The following NDE1 variants were observed in gnomAD, a reference collection of about 807,000 sequenced individuals.
NDE1 encodes the protein nudE neurodevelopment protein 1, also known as nuclear distribution protein nudE homolog 1.
In NDE1, 28 loss-of-function variants were observed where a neutral mutation model predicts 43.4. The observed-to-expected ratio is 0.65, with a 90% CI of 0.48 to 0.89. The LOEUF (loss-of-function observed/expected upper bound fraction) is 0.89. NDE1 is among the 40% of genes least tolerant of loss of function. The probability of loss-of-function intolerance (pLI) is 0.00; values close to 1 mark genes in which losing one functional copy is unlikely to be tolerated. For synonymous variants in NDE1, 184 were observed against 172.0 expected (o/e 1.07, Z -0.55); for missense variants, 441 against 434.1 (o/e 1.02, Z -0.14).
chr16:15,664,791 G>A lies in NDE1; in HGVS notation c.13G>A (p.Gly5Arg), dbSNP rs536800933. Residue 5 changes from glycine to arginine, a missense_variant, in exon 2 of 9, where the codon GGA becomes AGA. By Grantham distance (125) the Gly-to-Arg change is moderately radical. Coordinates refer to ENST00000396354, the MANE Select transcript of NDE1 (RefSeq NM_017668.3). ...CCCTGTTTTCACAATGGAGGACTCCGGAAAGACTTTCAGCTCCGAGGAGGA... is the reference window on the plus strand; with the variant it reads ...CCCTGTTTTCACAATGGAGGACTCCAGAAAGACTTTCAGCTCCGAGGAGGA... MEDS[G>R]KTFSSEEEEA... The A allele has an allele frequency of 1.7e-5, 28 of 1,612,916 alleles. No homozygotes were observed. Among genetic ancestry groups the A allele is most frequent in the Middle Eastern group, 1.7e-4 (1 of 6,060 alleles).
intron 8 of NDE1, among the ~76,000 whole-genome samples, chr16:15,710,289 G>A (rs939241363): frequency 4.6e-5 from 7 of 152,112 alleles, no homozygotes; most frequent in Admixed American, 1.3e-4. Context: ...TTGGGAGACC[G>A]AGGCAGGTGG....
chr16:15,696,393 A>C (rs2039014666), intron 7 of NDE1, among the ~76,000 whole-genome samples: 1 of 151,514 alleles, frequency 6.6e-6, no homozygotes, highest in South Asian at 2.1e-4. Context: ...AAACAAAAAA[A>C]AAAACTGAGA....
chr16:15,676,425 A>C (rs2037883523), intron 3 of NDE1, among the ~76,000 whole-genome samples: 2 of 151,850 alleles, frequency 1.3e-5, no homozygotes, highest in Non-Finnish European at 2.9e-5. Context: ...TTTTCGAGGC[A>C]GGTCTCAAAC....
chr16:15,712,882 G>GTTTTTTTTTTTTTTTGTTTTT (rs59799809), intron 8 of NDE1: 1 of 90,636 alleles, frequency 1.1e-5, no homozygotes, highest in African/African-American at 4.5e-5. Context: ...TTCACATACA[G>GTTTTTTTTTTTTTTTGTTTTT]TTTTTTTTTT....
chr16:15,724,398 C>T lies in NDE1; in HGVS notation c.*147C>T, dbSNP rs367595632. 7 of 1,613,784 alleles carry T rather than the reference C, an allele frequency of 4.3e-6. No homozygotes were observed. Among genetic ancestry groups the T allele is most frequent in the African/African-American group, 4.0e-5 (3 of 74,880 alleles). On this transcript the variant is annotated 3_prime_UTR_variant, in exon 9 of 9. Transcript: ENST00000396354. ...TGGCAAAGTCCTGCAGCTTCTTCTT[C>T]GAGTCGGAGAGCTACAAGGACAGCG...
Position 15,677,955 on chromosome 16 carries a change from G to C in NDE1, c.386+6G>C, listed in dbSNP as rs1215882759. 1 of 1,614,018 alleles carries C rather than the reference G, an allele frequency of 6.2e-7. No homozygotes were observed. The highest frequency in any genetic ancestry group is 2.2e-5 in the East Asian group (1 of 44,876). On this transcript the variant is annotated splice_donor_region_variant and intron_variant, in intron 4 of 8. Coordinates refer to ENST00000396354, the MANE Select transcript of NDE1 (RefSeq NM_017668.3). ...GACCTGGAAAGAGCCAAGCGGTATGGGTGGAAGGGAAAAGCACGAGTGGGA... is the reference window on the plus strand; with the variant it reads ...GACCTGGAAAGAGCCAAGCGGTATGCGTGGAAGGGAAAAGCACGAGTGGGA...
At chr16:15,674,913 C>T (rs988776610) in intron 3 of NDE1, among the ~76,000 whole-genome samples, 3 of 152,034 alleles carry the variant, frequency 2.0e-5, no homozygotes, top group Admixed American at 6.6e-5. Flanking sequence ...CTCTGTGGGC[C>T]ACGCTGGTGA....
chr16:15,646,562 C>T (rs1044204168), upstream of NDE1, among the ~76,000 whole-genome samples: 1 of 150,888 alleles, frequency 6.6e-6, no homozygotes, highest in African/African-American at 2.4e-5. Context: ...GCCTGGGCAA[C>T]AGAACGAGAC....
intron 5 of NDE1, among the ~76,000 whole-genome samples, chr16:15,688,121 A>G (rs1405962007): frequency 1.3e-5 from 2 of 152,206 alleles, no homozygotes; most frequent in Admixed American, 1.3e-4. Flanking sequence ...GTATGCAGTG[A>G]GCTATGATGG....
At position 15,723,799 on chromosome 16, in the gene NDE1, T is replaced by C. The variant is rs117977041; in HGVS notation, c.948-392T>C. Among the ~76,000 whole-genome samples the C allele has an allele frequency of 6.8e-3, 1,035 of 152,334 alleles. 10 individuals are homozygous for C. Among genetic ancestry groups the C allele is most frequent in the Non-Finnish European group, 8.1e-3 (549 of 68,028 alleles). Reference sequence around the variant, plus strand: ...TTAGGGAAGAGTGGTATTAAAAGTATAGAAACTGAATTACTTGGAATACTA... The same window carrying C: ...TTAGGGAAGAGTGGTATTAAAAGTACAGAAACTGAATTACTTGGAATACTA... On this transcript the variant is annotated intron_variant, in intron 8 of 8. Coordinates refer to ENST00000396354, the MANE Select transcript of NDE1 (RefSeq NM_017668.3).
At chr16:15,719,606 T>C (rs1487432932) in intron 8 of NDE1, 1 of 1,614,196 alleles carries the variant, frequency 6.2e-7, no homozygotes, top group South Asian at 1.1e-5. Context: ...GCATGAGGTC[T>C]GCTTCCAAGC....
In NDE1 at chr16:15,696,390, A is replaced by AC. The variant is rs200776860; in HGVS notation, c.796-319_796-318insC. On this transcript the variant is annotated intron_variant, in intron 7 of 8. Coordinates refer to ENST00000396354, the MANE Select transcript of NDE1 (RefSeq NM_017668.3). Reference sequence around the variant, plus strand: ...CTAAAAAAGTAAAAAACAAAACAAAAAAAAAAACTGAGATGGGATCTTACT... The same window carrying AC: ...CTAAAAAAGTAAAAAACAAAACAAAACAAAAAAACTGAGATGGGATCTTACT... 0.035 allele frequency among the ~76,000 whole-genome samples: 5,240 copies of AC among 151,300 alleles called. 280 individuals carry two copies. The highest frequency in any genetic ancestry group is 0.11 in the African/African-American group (4,480 of 41,334).
chr16:15,719,767 T>A (rs970407079), intron 8 of NDE1: 6 of 1,612,174 alleles, frequency 3.7e-6, no homozygotes, highest in Non-Finnish European at 5.1e-6. Flanking sequence ...CCCCAAGTTC[T>A]GCTGCCCAGT....
Position 15,703,998 on chromosome 16 carries a change from C to G in NDE1, c.947+7138C>G, listed in dbSNP as rs914328780. ...AAAACTGTAGAAAGTTGCTTATTCA[C>G]TGGCCTTGGTTCCATTGAAGTCTGC... is the stretch of plus-strand genomic sequence containing the variant. On this transcript the variant is annotated intron_variant, in intron 8 of 8. Transcript: ENST00000396354. 3 of 1,613,956 alleles carry G rather than the reference C, an allele frequency of 1.9e-6. No individual in the cohort carries two copies. Among genetic ancestry groups the G allele is most frequent in the Admixed American group, 1.7e-5 (1 of 59,976 alleles).
chr16:15,654,447 A>G (rs1262440633), intron 1 of NDE1, among the ~76,000 whole-genome samples: 1 of 151,614 alleles, frequency 6.6e-6, no homozygotes, highest in Non-Finnish European at 1.5e-5. Flanking sequence ...TAAAAATACA[A>G]AAAATTAGCC....
chr16:15,665,080 CAG>C (rs1378905135), intron 2 of NDE1, among the ~76,000 whole-genome samples: 4 of 150,170 alleles, frequency 2.7e-5, no homozygotes, highest in Non-Finnish European at 5.9e-5. Flanking sequence ...TTGGCGGAAA[CAG>C]GGGTCTCGCT....
At position 15,667,201 on chromosome 16, in the gene NDE1, G is replaced by A. The variant is rs187434587; in HGVS notation, c.84-85G>A. On this transcript the variant is annotated intron_variant, in intron 2 of 8. Coordinates refer to ENST00000396354, the MANE Select transcript of NDE1 (RefSeq NM_017668.3). ...GCAGAGGTTGCAGTGAGACGAGATTGCAGCACTGCATTGCAGCCTGGGTGA... is the reference window on the plus strand; with the variant it reads ...GCAGAGGTTGCAGTGAGACGAGATTACAGCACTGCATTGCAGCCTGGGTGA... 3 of 1,469,004 alleles carry A rather than the reference G, an allele frequency of 2.0e-6. No individual in the cohort carries two copies. In the East Asian group the frequency reaches 6.8e-5, roughly 33 times the overall value. The allele number at this position is 1,469,004 out of a possible 1,614,324, so 91.0% of individuals were successfully genotyped here.
intron 8 of NDE1, among the ~76,000 whole-genome samples, chr16:15,715,793 T>TA (rs1177414860): frequency 6.6e-6 from 1 of 151,990 alleles, no homozygotes; most frequent in Admixed American, 6.5e-5. Context: ...ACTACAGGCG[T>TA]ACACCAGCAT....
chr16:15,719,083 G>C (rs1020824482), intron 8 of NDE1: 5 of 823,280 alleles, frequency 6.1e-6, no homozygotes, highest in Non-Finnish European at 8.0e-6. Flanking sequence ...AGCCAAGATT[G>C]TGCCACTGCC....
Sources: gnomAD v4.1 joint callset for allele counts (sites outside exome capture counted in the v4.1 genomes callset) on GRCh38, gnomAD v4.1.1 for gene constraint, MANE v1.5 for transcripts, NCBI Gene and HGNC (gene_info 2026-07-23, HGNC 2026-07-21) for gene names.